The following SWI5 variants were observed in gnomAD, a reference collection of about 807,000 sequenced individuals.
SWI5 encodes the protein SWI5 homologous recombination repair protein, also known as DNA repair protein SWI5 homolog.
A neutral mutation model predicts 17.0 loss-of-function variants in SWI5; 12 were observed. The ratio of observed to expected loss-of-function variants is 0.71; its 90% confidence interval spans 0.45 to 1.14. The LOEUF is 1.14. SWI5 is among the 50% of genes most tolerant of loss of function. The pLI is 0.00. For synonymous variants in SWI5, 61 were observed against 64.0 expected, an observed-to-expected ratio of 0.95 and a Z score of 0.22; for missense variants, 158 against 162.2, an observed-to-expected ratio of 0.97 and a Z score of 0.14.
chr9:128,276,259 G>T lies in SWI5; in HGVS notation c.-82G>T, dbSNP rs772319908. The T allele has an allele frequency of 6.2e-7, 1 of 1,612,568 alleles. No homozygotes were observed. Among genetic ancestry groups the T allele is most frequent in the Non-Finnish European group, 8.5e-7 (1 of 1,179,490 alleles). Reference sequence around the variant, plus strand: ...GGGCCGGCTTTCCTTGGGTGCGCGCGCAGCTTTCTGTGCGCCAGTTCACAC... The same window carrying T: ...GGGCCGGCTTTCCTTGGGTGCGCGCTCAGCTTTCTGTGCGCCAGTTCACAC... On this transcript the variant is annotated 5_prime_UTR_variant, in exon 1 of 5. Coordinates refer to ENST00000418976, the Ensembl canonical transcript of SWI5.
chr9:128,279,328 G>A (rs1205133338), intron 2 of SWI5, among the ~76,000 whole-genome samples: 2 of 152,142 alleles, frequency 1.3e-5, no homozygotes, highest in Non-Finnish European at 2.9e-5. Context: ...AAACCGCTGG[G>A]CCCAGGGGAC....
chr9:128,285,990 C>A lies in SWI5; in HGVS notation c.285C>A (p.Tyr95Ter). 6.2e-7 allele frequency: 1 copy of A among 1,614,082 alleles called. No homozygotes were observed. The highest frequency in any genetic ancestry group is 8.5e-7 in the Non-Finnish European group (1 of 1,179,982). The change falls in exon 4 of 5, where the codon TAC becomes TAA. Residue 95 changes from tyrosine to a stop codon, truncating the protein, a stop_gained. Coordinates refer to ENST00000418976, the Ensembl canonical transcript of SWI5. LOFTEE classifies it high-confidence loss of function. The surrounding 1 kb of genome is among the most constrained non-coding windows in gnomAD (Gnocchi z 4.8). ...ACCACATTACCCAGCTTCACGAGTACAATGACATCAAGGATGTGGGGCAGA... is the reference window on the plus strand; with the variant it reads ...ACCACATTACCCAGCTTCACGAGTAAAATGACATCAAGGATGTGGGGCAGA...
At chr9:128,283,990 TA>T (rs59062263) in intron 2 of SWI5, among the ~76,000 whole-genome samples, 24,394 of 145,458 alleles carry the variant, frequency 0.17, 2,105 homozygotes, top group African/African-American at 0.24. Flanking sequence ...AAGACCCTAT[TA>T]AAAAAAAAAA....
At chr9:128,284,571 T>C (rs765308570) in exon 3 of SWI5, 2 of 1,613,994 alleles carry the variant, frequency 1.2e-6, no homozygotes, top group Non-Finnish European at 1.7e-6. Context: ...CACCTTGACA[T>C]TCAGAAACTG....
chr9:128,276,226 G>A (rs760926220), upstream of SWI5: 5 of 1,611,550 alleles, frequency 3.1e-6, no homozygotes, highest in Non-Finnish European at 4.2e-6. Context: ...CACCTCGGGA[G>A]AGGGGCGGGG....
At chr9:128,275,515 GC>G (rs891852288), upstream of SWI5, 9 of 1,307,614 alleles carry the variant, frequency 6.9e-6, no homozygotes, top group Admixed American at 1.2e-4. Context: ...CGAGTCTGGA[GC>G]GGGGGGCCCC....
upstream of SWI5, chr9:128,275,558 G>A: frequency 8.2e-7 from 1 of 1,226,984 alleles, no homozygotes; most frequent in Non-Finnish European, 1.1e-6. Context: ...ACTGGCGAGG[G>A]CAGGGGCTGA....
chr9:128,276,764 T>G lies in SWI5; in HGVS notation c.111+9T>G, dbSNP rs1330335892. On this transcript the variant is annotated intron_variant, in intron 2 of 4. Coordinates refer to ENST00000418976, the Ensembl canonical transcript of SWI5. ...GGGCCTTCCGATCCCCTGTGAGTAT[T>G]TCTTCCCCCACACCCCCTTTCCCAT... 6.2e-7 allele frequency: 1 copy of G among 1,605,210 alleles called. No individual in the cohort carries two copies. The highest frequency in any genetic ancestry group is 1.1e-5 in the South Asian group (1 of 90,536).
rs748741045 is a variant in SWI5, at chr9:128,284,494, T to G, written c.112-16T>G. On this transcript the variant is annotated splice_polypyrimidine_tract_variant and intron_variant, in intron 2 of 4. Transcript: ENST00000418976. ...ATAACTGGTCAGTCTGGCTGATGAC[T>G]TTTTCTGCCTCTCAGAGGCCATTGC... is the stretch of plus-strand genomic sequence containing the variant. 4 of 1,610,430 alleles carry G rather than the reference T, an allele frequency of 2.5e-6. No homozygotes were observed. The East Asian group carries it at 8.9e-5, about 36-fold the overall frequency.
exon 5 of SWI5, chr9:128,288,761 T>C (rs923669258): frequency 5.0e-6 from 8 of 1,604,942 alleles, no homozygotes; most frequent in Non-Finnish European, 6.8e-6. Context: ...GACAGAAGGG[T>C]GTGGACATGA....
In SWI5 at chr9:128,285,987, G is replaced by T. The variant is rs772328672; in HGVS notation, c.282G>T (p.Glu94Asp). The change falls in exon 4 of 5, where the codon GAG (glutamate) becomes GAT (aspartate). Residue 94 changes from glutamate to aspartate, a missense_variant. Coordinates refer to ENST00000418976, the Ensembl canonical transcript of SWI5. The surrounding 1 kb of genome is among the most constrained non-coding windows in gnomAD (Gnocchi z 4.8). ...AGGACCACATTACCCAGCTTCACGA[G>T]TACAATGACATCAAGGATGTGGGGC... 1.9e-6 allele frequency: 3 copies of T among 1,613,978 alleles called. No individual in the cohort carries two copies. The highest frequency in any genetic ancestry group is 2.7e-5 in the African/African-American group (2 of 74,918).
chr9:128,275,881 G>A (rs373778000), upstream of SWI5: 1 of 1,488,914 alleles, frequency 6.7e-7, no homozygotes, highest in Non-Finnish European at 9.2e-7. Context: ...GCCGCGACCC[G>A]GTGCACTTTA....
At chr9:128,284,390 T>G in intron 2 of SWI5, 120 bp from the exon 3 acceptor site, 2 of 1,188,490 alleles carry the variant, frequency 1.7e-6, no homozygotes, top group East Asian at 2.6e-5. Flanking sequence ...AATGCAGTCT[T>G]ATTGAGGGGG....
chr9:128,285,351 A>G lies in SWI5; in HGVS notation c.234-588A>G, dbSNP rs1036463813. Among the ~76,000 whole-genome samples, 3 of 152,190 alleles carry G rather than the reference A, an allele frequency of 2.0e-5. No homozygotes were observed. Among genetic ancestry groups the G allele is most frequent in the Non-Finnish European group, 4.4e-5 (3 of 68,018 alleles). On this transcript the variant is annotated intron_variant, in intron 3 of 4. Transcript: ENST00000418976. This position sits in a 1 kb window ranked among gnomAD's most constrained non-coding sequence, Gnocchi z 4.8. ...TATGCTTCTGGATTCAGGACATAGC[A>G]GCAGCCTCTCAGGTAGGGAGATGCT...
upstream of SWI5, chr9:128,275,977 C>G: frequency 6.3e-7 from 1 of 1,598,322 alleles, no homozygotes; most frequent in South Asian, 1.1e-5. Flanking sequence ...GGGGCCACAT[C>G]AGCGCGATCC....
chr9:128,278,605 A>G, intron 2 of SWI5: 1 of 467,262 alleles, frequency 2.1e-6, no homozygotes, highest in Non-Finnish European at 4.4e-6. Flanking sequence ...TTGTCCCATC[A>G]GCTTACTTTA....
intron 2 of SWI5, chr9:128,278,777 G>GT (rs199995498): frequency 0.035 from 14,444 of 415,764 alleles, 195 homozygotes; most frequent in Middle Eastern, 0.065. Context: ...GGTTTTTTTT[G>GT]TTTTTTTTTA....
At chr9:128,284,476 G>T (rs757700386) in intron 2 of SWI5, 34 bp from the exon 3 acceptor site, 3 of 1,606,198 alleles carry the variant, frequency 1.9e-6, no homozygotes, top group South Asian at 1.1e-5. Flanking sequence ...TGGATAACTG[G>T]TCAGTCTGGC....
At position 128,276,686 on chromosome 9, in the gene SWI5, TC is replaced by T; in HGVS notation, c.63-17del. On this transcript the variant is annotated intron_variant, in intron 1 of 4. Transcript: ENST00000418976. ...GCGGGCTGTGGGTCCAATCAGACTT[TC>T]CCCTCGGATTCCTCTCTAGGACTGA... 1.2e-6 allele frequency: 2 copies of T among 1,613,782 alleles called. No homozygotes were observed. The highest frequency in any genetic ancestry group is 2.2e-5 in the South Asian group (2 of 91,056).
Sources: gnomAD v4.1 joint callset for allele counts (sites outside exome capture counted in the v4.1 genomes callset) on GRCh38, gnomAD v4.1.1 for gene constraint, Gnocchi (gnomAD v3.1) non-coding constraint, MANE v1.5 for transcripts, NCBI Gene and HGNC (gene_info 2026-07-23, HGNC 2026-07-21) for gene names.